DLG5: variants seen among roughly 807,000 people sequenced by gnomAD.
The protein encoded by DLG5 is disks large homolog 5.
DLG5 carries 48 observed loss-of-function variants against 189.8 expected under a neutral mutation model. That is an observed-to-expected ratio of 0.25 (90% CI 0.20 to 0.32). The LOEUF (loss-of-function observed/expected upper bound fraction) is 0.32. DLG5 is among the 10% of genes least tolerant of loss of function. DLG5 has a pLI of 1.00. For synonymous variants in DLG5, 1,016 were observed against 1,054.1 expected (o/e 0.96, Z 0.70); for missense variants, 2,160 against 2,544.7 (o/e 0.85, Z 3.25).
chr10:77,940,245 C>A, the DLG5 span, among the ~76,000 whole-genome samples: 1 of 152,164 alleles, frequency 6.6e-6, no homozygotes, highest in Non-Finnish European at 1.5e-5. Flanking sequence ...ACACCCAAAG[C>A]CTCCCCTTTT....
At chr10:77,868,556 C>T (rs1209717481) in intron 2 of DLG5, 3 of 257,986 alleles carry the variant, frequency 1.2e-5, no homozygotes, top group Admixed American at 5.1e-5. Flanking sequence ...GGACTCACCA[C>T]TGAAGGTGTC....
upstream of DLG5, chr10:77,926,857 C>T (rs1223029924): frequency 8.0e-6 from 2 of 251,078 alleles, no homozygotes; most frequent in Non-Finnish European, 1.6e-5. The surrounding 1 kb of genome is among the most constrained non-coding windows in gnomAD (Gnocchi z 5.2). Context: ...GCATGCTCCC[C>T]CTCCCCCTCA....
At chr10:77,814,420 T>C (rs930941336) in intron 20 of DLG5, among the ~76,000 whole-genome samples, 5 of 142,032 alleles carry the variant, frequency 3.5e-5, no homozygotes, top group African/African-American at 1.3e-4. Flanking sequence ...AAACATAATA[T>C]TAAGGGAGAT....
Position 77,805,783 on chromosome 10 carries a change from C to T in DLG5, c.5046G>A (p.Ala1682=), listed in dbSNP as rs372312813. The T allele has an allele frequency of 1.2e-4, 199 of 1,614,146 alleles. No individual in the cohort carries two copies. Among genetic ancestry groups the T allele is most frequent in the Non-Finnish European group, 1.4e-4 (169 of 1,180,032 alleles). The change falls in exon 27 of 32, where the codon GCG becomes GCA. Residue 1682 remains alanine, a synonymous_variant. Coordinates refer to ENST00000372391, the MANE Select transcript of DLG5 (RefSeq NM_004747.4). ...TCCGAAAAAAGGACCGGCGTGCAGC[C>T]GCTGACAGCGTCTTTGTGGCGCTAT... ...DDNSATKTLS[A]AARRSFFRRK...
chr10:77,816,705 C>A lies in DLG5; in HGVS notation c.3875-4G>T. 6.2e-7 allele frequency: 1 copy of A among 1,600,610 alleles called. No homozygotes were observed. The highest frequency in any genetic ancestry group is 8.5e-7 in the Non-Finnish European group (1 of 1,173,042). On this transcript the variant is annotated splice_polypyrimidine_tract_variant and splice_region_variant and intron_variant, in intron 19 of 31. Transcript: ENST00000372391. The stretch of plus-strand genomic sequence containing the variant: ...CATTCAGAATGTGACACTGAACCTG[C>A]AGAGAGGAGCGGGTAATGCCGGTGT...
chr10:77,865,969 G>A (rs962421261), intron 2 of DLG5, among the ~76,000 whole-genome samples: 1 of 152,204 alleles, frequency 6.6e-6, no homozygotes, highest in African/African-American at 2.4e-5. Context: ...TGTTTTCCCA[G>A]CCGTTTCCAT....
At position 77,805,763 on chromosome 10, in the gene DLG5, A is replaced by G. The variant is rs1481212361; in HGVS notation, c.5066T>C (p.Phe1689Ser). 1 of 1,614,150 alleles carries G rather than the reference A, an allele frequency of 6.2e-7. No homozygotes were observed. The highest frequency in any genetic ancestry group is 1.7e-5 in the Admixed American group (1 of 60,020). The change falls in exon 27 of 32, where the codon TTT becomes TCT. Residue 1689 changes from phenylalanine to serine, a missense_variant. Physicochemically the swap from Phe to Ser is radical, Grantham distance 155 (BLOSUM62 -2). Transcript: ENST00000372391. ...TLSAAARRSF[F>S]RRKHKHKRSG... ...GCGTTTGTGCTTGTGTTTCCTCCGA[A>G]AAAAGGACCGGCGTGCAGCCGCTGA...
intron 1 of DLG5, among the ~76,000 whole-genome samples, chr10:77,921,857 A>C (rs918880523): frequency 6.6e-6 from 1 of 152,190 alleles, no homozygotes; most frequent in Non-Finnish European, 1.5e-5. Context: ...CGAGAAGGAA[A>C]CATCAGGCAA....
chr10:77,862,920 G>A (rs1010311186), intron 2 of DLG5, among the ~76,000 whole-genome samples: 3 of 152,216 alleles, frequency 2.0e-5, no homozygotes, highest in African/African-American at 7.2e-5. Context: ...TGAAGGTGGG[G>A]AAAGGGCAGA....
Position 77,809,746 on chromosome 10 carries a change from C to CA in DLG5, c.4464-17dup. On this transcript the variant is annotated splice_polypyrimidine_tract_variant and intron_variant, in intron 23 of 31. Coordinates refer to ENST00000372391, the MANE Select transcript of DLG5 (RefSeq NM_004747.4). ...TCCCGCAATCCTTTCAGGAAAAAAA[C>CA]AAAGTTCCTCAACTGTGCACAAAGA... 3.7e-6 allele frequency: 6 copies of CA among 1,607,452 alleles called. No individual in the cohort carries two copies. Among genetic ancestry groups the CA allele is most frequent in the Non-Finnish European group, 5.1e-6 (6 of 1,176,844 alleles).
At position 77,817,764 on chromosome 10, in the gene DLG5, G is replaced by C; in HGVS notation, c.3784+13C>G. 6.5e-7 allele frequency: 1 copy of C among 1,550,234 alleles called. No homozygotes were observed. The highest frequency in any genetic ancestry group is 8.7e-7 in the Non-Finnish European group (1 of 1,145,416). On this transcript the variant is annotated intron_variant, in intron 18 of 31. Coordinates refer to ENST00000372391, the MANE Select transcript of DLG5 (RefSeq NM_004747.4). Reference sequence around the variant, plus strand: ...GCACCCTCTGCAGCACAAAGTCCAAGTGGTGCAGTTACCCAGGCGGGCGCT... The same window carrying C: ...GCACCCTCTGCAGCACAAAGTCCAACTGGTGCAGTTACCCAGGCGGGCGCT...
intron 13 of DLG5, among the ~76,000 whole-genome samples, chr10:77,826,742 G>A (rs1423819852): frequency 2.6e-5 from 4 of 152,224 alleles, no homozygotes; most frequent in African/African-American, 9.6e-5. Flanking sequence ...GACGTCAGGA[G>A]CTCGAGACCA....
chr10:77,930,724 T>C (rs1441923297), upstream of DLG5, among the ~76,000 whole-genome samples: 1 of 151,902 alleles, frequency 6.6e-6, no homozygotes, highest in African/African-American at 2.4e-5. Context: ...GTGGGCTCAC[T>C]GCAACCTCTG....
intron 2 of DLG5, among the ~76,000 whole-genome samples, chr10:77,866,258 C>T (rs1162801623): frequency 6.6e-6 from 1 of 152,170 alleles, no homozygotes; most frequent in Non-Finnish European, 1.5e-5. Context: ...TGGTTCCCTT[C>T]TCAGGGATGA....
chr10:77,824,335 C>T, intron 14 of DLG5, 49 bp downstream of exon 14: 1 of 1,420,836 alleles, frequency 7.0e-7, no homozygotes, highest in Non-Finnish European at 9.9e-7. Context: ...GGAGCCGGGG[C>T]TCTGCCCATA....
At chr10:77,817,379 C>G (rs529629075) in intron 18 of DLG5, among the ~76,000 whole-genome samples, 2 of 152,312 alleles carry the variant, frequency 1.3e-5, no homozygotes, top group East Asian at 3.9e-4. Context: ...TCTTTTCTCC[C>G]CAGCGCCAGA....
Position 77,792,267 on chromosome 10 carries a change from C to G in DLG5, c.*173G>C. ...AGAGTGTGTGGGCCTGGGCCTGGATCGCACGCAGCCGTGGCCCTCTGTCTA... is the reference window on the plus strand; with the variant it reads ...AGAGTGTGTGGGCCTGGGCCTGGATGGCACGCAGCCGTGGCCCTCTGTCTA... On this transcript the variant is annotated 3_prime_UTR_variant, in exon 32 of 32. Transcript: ENST00000372391. 3.1e-6 allele frequency: 2 copies of G among 646,730 alleles called. No individual in the cohort carries two copies. The highest frequency in any genetic ancestry group is 2.6e-5 in the Admixed American group (1 of 38,168). 40.1% of individuals were successfully genotyped at this position (646,730 alleles called of 1,614,324 possible).
intron 27 of DLG5, among the ~76,000 whole-genome samples, chr10:77,799,774 A>G (rs1482741620): frequency 1.3e-5 from 2 of 152,006 alleles, no homozygotes; most frequent in African/African-American, 4.8e-5. Flanking sequence ...ACACTTGATT[A>G]GTTTTTTAAA....
intron 1 of DLG5, among the ~76,000 whole-genome samples, chr10:77,899,163 A>T (rs1287676031): frequency 6.6e-6 from 1 of 152,150 alleles, no homozygotes; most frequent in East Asian, 1.9e-4. Flanking sequence ...TAAGGATGGC[A>T]CTGACTCTGC....
Sources: gnomAD v4.1 joint callset for allele counts (sites outside exome capture counted in the v4.1 genomes callset) on GRCh38, gnomAD v4.1.1 for gene constraint, Gnocchi (gnomAD v3.1) non-coding constraint, MANE v1.5 for transcripts, NCBI Gene and HGNC (gene_info 2026-07-23, HGNC 2026-07-21) for gene names.